The following SLC34A2 variants were observed in gnomAD, a reference collection of about 807,000 sequenced individuals.
The protein encoded by SLC34A2 is sodium-dependent phosphate transport protein 2B.
In SLC34A2, 41 loss-of-function variants were observed where a neutral mutation model predicts 50.8. That is an observed-to-expected ratio of 0.81 (90% CI 0.63 to 1.05). The LOEUF (loss-of-function observed/expected upper bound fraction) is 1.05. SLC34A2 is among the 50% of genes least tolerant of loss of function. The probability of loss-of-function intolerance (pLI) is 0.00; values close to 1 mark genes in which losing one functional copy is unlikely to be tolerated. For synonymous variants in SLC34A2, 401 were observed against 364.2 expected (o/e 1.10, Z -1.15); for missense variants, 879 against 876.7 (o/e 1.00, Z -0.03).
At position 25,677,868 on chromosome 4, in the gene SLC34A2, T is replaced by C. The variant is rs1380574377; in HGVS notation, c.*1119T>C. On this transcript the variant is annotated 3_prime_UTR_variant, in exon 13 of 13. Coordinates refer to ENST00000382051, the MANE Select transcript of SLC34A2 (RefSeq NM_006424.3). ...TTTTTCCATTTTCCCACAGATGGGC[T>C]TTGATTAGCTGTCCTCTCTCCATGC... The C allele has an allele frequency of 6.6e-6, 1 of 152,266 alleles. No homozygotes were observed. The highest frequency in any genetic ancestry group is 1.5e-5 in the Non-Finnish European group (1 of 68,076). The allele number at this position is 152,266 out of a possible 1,614,324, so 9.4% of individuals were successfully genotyped here.
In SLC34A2 at chr4:25,676,117, C is replaced by T. The variant is rs1715094489; in HGVS notation, c.1459-18C>T. The stretch of plus-strand genomic sequence containing the variant: ...TTGGGCAACAGGCCCCTCACCTGTC[C>T]AACCTCTTGTGTTGCAGATCGCCCT... On this transcript the variant is annotated intron_variant, in intron 12 of 12. Transcript: ENST00000382051. 6.2e-7 allele frequency: 1 copy of T among 1,613,516 alleles called. No individual in the cohort carries two copies. Among genetic ancestry groups the T allele is most frequent in the African/African-American group, 1.3e-5 (1 of 74,916 alleles).
intron 12 of SLC34A2, 132 bp from the exon 13 acceptor site, chr4:25,676,003 G>A (rs898619631): frequency 3.7e-5 from 54 of 1,440,416 alleles, no homozygotes; most frequent in Non-Finnish European, 5.0e-5. Context: ...TGAGCCATAA[G>A]GACAAAGAAG....
rs144239727 is a variant in SLC34A2, at chr4:25,664,284, C to T, written c.333C>T (p.Phe111=). The T allele has an allele frequency of 2.7e-5, 43 of 1,607,514 alleles. No individual in the cohort carries two copies. In the East Asian group the frequency reaches 3.4e-4, roughly 13 times the overall value. Residue 111 remains phenylalanine, a synonymous_variant, in exon 4 of 13, where the codon TTC becomes TTT. Coordinates refer to ENST00000382051, the MANE Select transcript of SLC34A2 (RefSeq NM_006424.3). ...TACTTCTCGGATTTCTCTACTTTTT[C>T]GTGTGCTCCCTGGATATTCTTAGTA... ...LILLLGFLYF[F]VCSLDILSSA... is the part of the protein sequence containing the mutation.
chr4:25,665,313 T>C (rs193194206), intron 4 of SLC34A2, among the ~76,000 whole-genome samples: 55 of 152,114 alleles, frequency 3.6e-4, no homozygotes, highest in Non-Finnish European at 7.1e-4. Flanking sequence ...ATTACAGGCA[T>C]GCACCACCAT....
At chr4:25,666,015 T>C (rs1263902481) in intron 4 of SLC34A2, 113 bp from the exon 5 acceptor site, 4 of 1,353,036 alleles carry the variant, frequency 3.0e-6, no homozygotes, top group Non-Finnish European at 4.2e-6. Flanking sequence ...GAGGCTGGAC[T>C]CTGCAACCCA....
chr4:25,666,026 C>T (rs2109052673), intron 4 of SLC34A2, 102 bp from the exon 5 acceptor site: 1 of 1,473,478 alleles, frequency 6.8e-7, no homozygotes, highest in African/African-American at 1.4e-5. Flanking sequence ...CTGCAACCCA[C>T]AGCCAGCTGG....
At chr4:25,666,870 G>A (rs1360120282) in intron 5 of SLC34A2, 1 of 152,316 alleles carries the variant, frequency 6.6e-6, no homozygotes, top group Non-Finnish European at 1.5e-5. Flanking sequence ...ACCCTCTGAG[G>A]GGGACCAGTT....
intron 1 of SLC34A2, among the ~76,000 whole-genome samples, chr4:25,656,228 G>C (rs1166613620): frequency 6.6e-6 from 1 of 152,192 alleles, no homozygotes; most frequent in East Asian, 1.9e-4. Context: ...AATCAGGATA[G>C]CTAGGCTCTT....
chr4:25,674,762 C>A (rs1279496498), intron 12 of SLC34A2, 133 bp downstream of exon 12: 7 of 1,214,762 alleles, frequency 5.8e-6, no homozygotes, highest in Non-Finnish European at 8.1e-6. Flanking sequence ...GAGGGGAAGC[C>A]ACGGGTAAAG....
chr4:25,666,248 T>A lies in SLC34A2; in HGVS notation c.500T>A (p.Val167Asp), dbSNP rs768601894. The change falls in exon 5 of 13, where the codon GTT (valine) becomes GAT (aspartate). Residue 167 changes from valine to aspartate, a missense_variant. By Grantham distance (152) the Val-to-Asp change is radical. Coordinates refer to ENST00000382051, the MANE Select transcript of SLC34A2 (RefSeq NM_006424.3). ...AGCTCCAGCACCTCAACGTCCATCG[T>A]TGTCAGCATGGTGTCCTCTTCATGT... ...VQSSSTSTSI[V>D]VSMVSSSLLT... 3 of 1,614,020 alleles carry A rather than the reference T, an allele frequency of 1.9e-6. No homozygotes were observed. The highest frequency in any genetic ancestry group is 2.5e-6 in the Non-Finnish European group (3 of 1,180,032).
intron 3 of SLC34A2, 146 bp from the exon 4 acceptor site, chr4:25,664,055 TG>T: frequency 1.3e-6 from 1 of 793,306 alleles, no homozygotes; most frequent in Non-Finnish European, 2.2e-6. Context: ...TCTGTAAGGC[TG>T]GCTAGACATA....
At chr4:25,673,303 G>A (rs368109923) in intron 10 of SLC34A2, 49 bp downstream of exon 10, 17 of 1,559,118 alleles carry the variant, frequency 1.1e-5, no homozygotes, top group African/African-American at 4.1e-5. Flanking sequence ...TCACTGCATG[G>A]GGTGTGGGGG....
intron 6 of SLC34A2, among the ~76,000 whole-genome samples, chr4:25,668,465 A>C (rs1714623793): frequency 6.6e-6 from 1 of 152,080 alleles, no homozygotes; most frequent in Non-Finnish European, 1.5e-5. Flanking sequence ...AACATGGTGA[A>C]ACCCCATCTC....
intron 6 of SLC34A2, among the ~76,000 whole-genome samples, chr4:25,668,703 C>T (rs1234873515): frequency 6.6e-6 from 1 of 151,604 alleles, no homozygotes; most frequent in Admixed American, 6.6e-5. Context: ...CTTATTTAAA[C>T]TTCCACTTTC....
At position 25,662,844 on chromosome 4, in the gene SLC34A2, TAA is replaced by T. The variant is rs1380147124; in HGVS notation, c.250+5_250+6del. On this transcript the variant is annotated splice_donor_region_variant and intron_variant, in intron 3 of 12. Coordinates refer to ENST00000382051, the MANE Select transcript of SLC34A2 (RefSeq NM_006424.3). Reference sequence around the variant, plus strand: ...AGGACTCGGGGATCAAGTGGTCAGGTAAAAGTGAGGCCAGCTGAGACATTCAG... The same window carrying T: ...AGGACTCGGGGATCAAGTGGTCAGGTAAGTGAGGCCAGCTGAGACATTCAG... 2 of 1,614,010 alleles carry T rather than the reference TAA, an allele frequency of 1.2e-6. No homozygotes were observed. The highest frequency in any genetic ancestry group is 1.7e-6 in the Non-Finnish European group (2 of 1,179,976).
intron 12 of SLC34A2, 75 bp downstream of exon 12, chr4:25,674,704 A>T: frequency 6.3e-7 from 1 of 1,590,648 alleles, no homozygotes; most frequent in Admixed American, 1.7e-5. Context: ...GTCTCTAACA[A>T]GAGCCAGGCT....
Position 25,676,761 on chromosome 4 carries a change from G to T in SLC34A2, c.*12G>T. The T allele has an allele frequency of 1.9e-6, 3 of 1,614,106 alleles. No individual in the cohort carries two copies. The highest frequency in any genetic ancestry group is 2.5e-6 in the Non-Finnish European group (3 of 1,180,032). Reference sequence around the variant, plus strand: ...GCACGGCCTTGTAGGGGACGCCCCAGATTGTCAGGGATGGGGGGATGGTCC... The same window carrying T: ...GCACGGCCTTGTAGGGGACGCCCCATATTGTCAGGGATGGGGGGATGGTCC... On this transcript the variant is annotated 3_prime_UTR_variant, in exon 13 of 13. Coordinates refer to ENST00000382051, the MANE Select transcript of SLC34A2 (RefSeq NM_006424.3).
intron 7 of SLC34A2, 95 bp from the exon 8 acceptor site, chr4:25,670,643 T>C (rs1248319413): frequency 2.2e-6 from 2 of 893,282 alleles, no homozygotes; most frequent in East Asian, 2.6e-5. Flanking sequence ...GTCACATTTA[T>C]CTCCTTAGAG....
chr4:25,673,064 C>T, intron 9 of SLC34A2, 23 bp from the exon 10 acceptor site: 1 of 1,613,900 alleles, frequency 6.2e-7, no homozygotes, highest in Non-Finnish European at 8.5e-7. Flanking sequence ...GCCCTCCTGA[C>T]AAGATTCTTT....
Sources: gnomAD v4.1 joint callset for allele counts (sites outside exome capture counted in the v4.1 genomes callset) on GRCh38, gnomAD v4.1.1 for gene constraint, MANE v1.5 for transcripts, NCBI Gene and HGNC (gene_info 2026-07-23, HGNC 2026-07-21) for gene names.